Variants in ZNF527 observed in about 807,000 individuals in gnomAD.
ZNF527 encodes zinc finger protein 527.
ZNF527 carries 5 observed loss-of-function variants against 13.5 expected under a neutral mutation model. The observed-to-expected ratio is 0.37, with a 90% CI of 0.19 to 0.78. The LOEUF is 0.78. Among genes scored for constraint, ZNF527 ranks in the 30% least tolerant of loss-of-function variants. The pLI is 0.48. For synonymous variants in ZNF527, 209 were observed against 243.1 expected, an observed-to-expected ratio of 0.86 and a Z score of 1.30; for missense variants, 628 against 726.4, an observed-to-expected ratio of 0.86 and a Z score of 1.56.
At position 37,385,377 on chromosome 19, in the gene ZNF527, G is replaced by C. The variant is rs1346209063; in HGVS notation, c.257-2929G>C. On this transcript the variant is annotated intron_variant, in intron 4 of 4. Coordinates refer to ENST00000436120, the MANE Select transcript of ZNF527 (RefSeq NM_032453.2). Reference sequence around the variant, plus strand: ...TCTCTGTGTCTTGCAGGTTTTTAATGCTGTAAGTGTGTTTCTCTTGATATT... The same window carrying C: ...TCTCTGTGTCTTGCAGGTTTTTAATCCTGTAAGTGTGTTTCTCTTGATATT... 6.0e-5 allele frequency: 24 copies of C among 399,470 alleles called. No homozygotes were observed. The East Asian group carries it at 8.5e-4, about 14-fold the overall frequency. 24.7% of individuals were successfully genotyped at this position (399,470 alleles called of 1,614,324 possible). A position where few individuals can be genotyped will look rare whatever the true frequency, so the allele number is the denominator to read the frequency against.
In ZNF527 at chr19:37,389,028, G is replaced by C; in HGVS notation, c.979G>C (p.Glu327Gln). Residue 327 changes from glutamate (E) to glutamine (Q), a missense_variant, in exon 5 of 5, where the codon GAG (glutamate) becomes CAG (glutamine). Physicochemically the swap from Glu to Gln is conservative, Grantham distance 29. Around this residue, in one of 3 missense-constraint regions of ZNF527, gnomAD observed 592 missense variants for 678.0 expected, o/e 0.87. Coordinates refer to ENST00000436120, the MANE Select transcript of ZNF527 (RefSeq NM_032453.2). ...TGAACATCAAAGAACTCATATTGGG[G>C]AGAAACCTTATGAATGTAAGGAATG... ...LSEHQRTHIG[E>Q]KPYECKECNK... 6.2e-7 allele frequency: 1 copy of C among 1,614,236 alleles called. No individual in the cohort carries two copies. Among genetic ancestry groups the C allele is most frequent in the Non-Finnish European group, 8.5e-7 (1 of 1,180,044 alleles).
In ZNF527 at chr19:37,379,242, G is replaced by T. The variant is rs760125958; in HGVS notation, c.156G>T (p.Trp52Cys). Reference sequence around the variant, plus strand: ...TGGAGAACTACAGGAACTTGGTATGGCTTGGTAAGGATGTTTCTCCCCCAT... The same window carrying T: ...TGGAGAACTACAGGAACTTGGTATGTCTTGGTAAGGATGTTTCTCCCCCAT... ...VMLENYRNLV[W>C]LGLSISKPNM... The change falls in exon 3 of 5, where the codon TGG becomes TGT. Residue 52 changes from tryptophan to cysteine, a missense_variant. This residue lies in a region of ZNF527 where 592 missense variants were observed against 678.0 expected (regional missense o/e 0.87). Coordinates refer to ENST00000436120, the MANE Select transcript of ZNF527 (RefSeq NM_032453.2). 5.6e-6 allele frequency: 9 copies of T among 1,596,366 alleles called. No individual in the cohort carries two copies.
intron 3 of ZNF527, 115 bp from the exon 4 acceptor site, chr19:37,380,162 T>C (rs2040641745): frequency 1.4e-6 from 2 of 1,479,296 alleles, no homozygotes; most frequent in Non-Finnish European, 1.8e-6. Flanking sequence ...CTAATGTCCA[T>C]TCTTGCCTGA....
At chr19:37,386,381 A>G (rs181480697) in intron 4 of ZNF527, among the ~76,000 whole-genome samples, 4 of 151,906 alleles carry the variant, frequency 2.6e-5, no homozygotes, top group Non-Finnish European at 4.4e-5. Context: ...GCCTCAAGTG[A>G]TCCACCAGCC....
chr19:37,375,295 TTTCTTTCTTTC>T (rs1165958973), intron 2 of ZNF527, among the ~76,000 whole-genome samples: 4 of 108,810 alleles, frequency 3.7e-5, no homozygotes, highest in African/African-American at 1.2e-4. Flanking sequence ...TCTTTCTTTC[TTTCTTTCTTTC>T]TTTCTTTTCT....
At chr19:37,375,302 C>G (rs939510121) in intron 2 of ZNF527, among the ~76,000 whole-genome samples, 1 of 104,534 alleles carries the variant, frequency 9.6e-6, no homozygotes, top group African/African-American at 4.3e-5. Flanking sequence ...TTCTTTCTTT[C>G]TTTCTTTCTT....
At chr19:37,378,990 C>A in intron 2 of ZNF527, 130 bp from the exon 3 acceptor site, 1 of 951,060 alleles carries the variant, frequency 1.1e-6, no homozygotes, top group Non-Finnish European at 1.6e-6. Flanking sequence ...CAAACCTCAG[C>A]ATGTAATTGT....
At chr19:37,371,929 A>T (rs983424900) in intron 1 of ZNF527, among the ~76,000 whole-genome samples, 4 of 151,924 alleles carry the variant, frequency 2.6e-5, no homozygotes, top group Admixed American at 6.6e-5. Flanking sequence ...GAATTACCCA[A>T]GTTCACACAG....
intron 1 of ZNF527, among the ~76,000 whole-genome samples, chr19:37,371,954 C>A (rs907855596): frequency 6.6e-6 from 1 of 151,112 alleles, no homozygotes; most frequent in Non-Finnish European, 1.5e-5. Context: ...CAAGTGACAG[C>A]ACCAGAACTC....
At chr19:37,375,740 C>T (rs61290534) in intron 2 of ZNF527, among the ~76,000 whole-genome samples, 3 of 151,798 alleles carry the variant, frequency 2.0e-5, no homozygotes, top group African/African-American at 7.3e-5. Context: ...GGAAAGAGAT[C>T]GAAGGACTGG....
chr19:37,389,943 T>C lies in ZNF527; in HGVS notation c.*64T>C. 1 of 1,496,756 alleles carries C rather than the reference T, an allele frequency of 6.7e-7. No homozygotes were observed. Among genetic ancestry groups the C allele is most frequent in the Non-Finnish European group, 8.8e-7 (1 of 1,130,142 alleles). 92.7% of individuals were successfully genotyped at this position (1,496,756 alleles called of 1,614,324 possible). On this transcript the variant is annotated 3_prime_UTR_variant, in exon 5 of 5. Transcript: ENST00000436120. Reference sequence around the variant, plus strand: ...TCAATCCTTATTAAATATTAGTGAGTTCTTTTTGGTTAGTAATTCTTTGAA... The same window carrying C: ...TCAATCCTTATTAAATATTAGTGAGCTCTTTTTGGTTAGTAATTCTTTGAA...
chr19:37,388,633 T>C lies in ZNF527; in HGVS notation c.584T>C (p.Ile195Thr). The change falls in exon 5 of 5, where the codon ATT (isoleucine) becomes ACT (threonine). Residue 195 changes from isoleucine to threonine, a missense_variant. Physicochemically the swap from Ile to Thr is moderately conservative, Grantham distance 89 (BLOSUM62 -1). Transcript: ENST00000436120. ...PTIQQVHKFD[I>T]YDKLFPQNSV... ...ATACAGCAAGTACATAAATTTGATATTTATGATAAACTCTTCCCCCAAAAT... is the reference window on the plus strand; with the variant it reads ...ATACAGCAAGTACATAAATTTGATACTTATGATAAACTCTTCCCCCAAAAT... The C allele has an allele frequency of 3.1e-6, 5 of 1,613,882 alleles. No individual in the cohort carries two copies. Among genetic ancestry groups the C allele is most frequent in the Non-Finnish European group, 2.5e-6 (3 of 1,179,920 alleles).
rs1024023254 is a variant in ZNF527 at position 37,392,233 on chromosome 19, G to A, written c.*2354G>A. On this transcript the variant is annotated 3_prime_UTR_variant, in exon 5 of 5. Transcript: ENST00000436120. ...TTCTTTATTTTTTATTATATTTCCT[G>A]GAGGTATAAGGATATTTATTTTTAT... 2.6e-5 allele frequency: 4 copies of A among 151,756 alleles called. No individual in the cohort carries two copies. Among genetic ancestry groups the A allele is most frequent in the Non-Finnish European group, 4.4e-5 (3 of 67,962 alleles). The allele number at this position is 151,756 out of a possible 1,614,324, so 9.4% of individuals were successfully genotyped here. A position where few individuals can be genotyped will look rare whatever the true frequency, so the allele number is the denominator to read the frequency against.
In ZNF527 at chr19:37,375,932, G is replaced by A. The variant is rs539775425; in HGVS notation, c.33+1701G>A. ...TCCTCTGAGAGGGACTGAAGAAGAC[G>A]AAGACTGAGAACTCACCGTTGGATT... is the stretch of plus-strand genomic sequence containing the variant. On this transcript the variant is annotated intron_variant, in intron 2 of 4. Transcript: ENST00000436120. 1.2e-3 allele frequency among the ~76,000 whole-genome samples: 181 copies of A among 152,320 alleles called. 3 individuals carry two copies. Among genetic ancestry groups the A allele is most frequent in the African/African-American group, 3.6e-3 (149 of 41,576 alleles).
intron 1 of ZNF527, among the ~76,000 whole-genome samples, chr19:37,372,315 A>G (rs779114735): frequency 2.6e-5 from 4 of 151,656 alleles, no homozygotes; most frequent in Admixed American, 6.6e-5. Flanking sequence ...TTTATGGACA[A>G]TTTCAAGCTG....
chr19:37,382,761 G>A (rs2146815529), intron 4 of ZNF527, among the ~76,000 whole-genome samples: 1 of 152,296 alleles, frequency 6.6e-6, no homozygotes, highest in East Asian at 1.9e-4. Flanking sequence ...AGGCTGGAGT[G>A]CAGTGGGCAA....
chr19:37,389,040 G>C lies in ZNF527; in HGVS notation c.991G>C (p.Glu331Gln). Residue 331 changes from glutamate to glutamine, a missense_variant, in exon 5 of 5, where the codon GAA (glutamate) becomes CAA (glutamine). By Grantham distance (29) the Glu-to-Gln change is conservative. Coordinates refer to ENST00000436120, the MANE Select transcript of ZNF527 (RefSeq NM_032453.2). ...AACTCATATTGGGGAGAAACCTTATGAATGTAAGGAATGTAACAAAGCTTT... is the reference window on the plus strand; with the variant it reads ...AACTCATATTGGGGAGAAACCTTATCAATGTAAGGAATGTAACAAAGCTTT... Reference protein sequence around the residue: ...QRTHIGEKPYECKECNKAFRQ... With the variant: ...QRTHIGEKPYQCKECNKAFRQ... The C allele has an allele frequency of 6.2e-6, 10 of 1,614,208 alleles. No individual in the cohort carries two copies. The highest frequency in any genetic ancestry group is 8.5e-6 in the Non-Finnish European group (10 of 1,180,026).
intron 2 of ZNF527, among the ~76,000 whole-genome samples, chr19:37,375,162 C>A (rs2040588519): frequency 1.3e-5 from 2 of 152,032 alleles, no homozygotes; most frequent in South Asian, 4.1e-4. Flanking sequence ...ATTTAGAGAC[C>A]TTTTGGATAT....
chr19:37,389,948 T>C lies in ZNF527; in HGVS notation c.*69T>C, dbSNP rs2146827264. On this transcript the variant is annotated 3_prime_UTR_variant, in exon 5 of 5. Coordinates refer to ENST00000436120, the MANE Select transcript of ZNF527 (RefSeq NM_032453.2). ...CCTTATTAAATATTAGTGAGTTCTT[T>C]TTGGTTAGTAATTCTTTGAATGTAG... The C allele has an allele frequency of 4.7e-6, 7 of 1,495,012 alleles. 1 individual carries two copies. The South Asian group carries it at 9.7e-5, about 21-fold the overall frequency. 92.6% of individuals were successfully genotyped at this position (1,495,012 alleles called of 1,614,324 possible). A position where few individuals can be genotyped will look rare whatever the true frequency, so the allele number is the denominator to read the frequency against.
Sources: allele counts gnomAD v4.1 joint callset (sites outside exome capture counted in the v4.1 genomes callset), GRCh38; gene constraint gnomAD v4.1.1; regional missense constraint gnomAD v4.1.1; transcripts MANE v1.5; gene names NCBI Gene and HGNC (gene_info 2026-07-23, HGNC 2026-07-21).